The following KIF3B variants were observed in gnomAD, a reference collection of about 807,000 sequenced individuals.
KIF3B encodes kinesin-like protein KIF3B.
A neutral mutation model predicts 74.3 loss-of-function variants in KIF3B; 38 were observed. The observed-to-expected ratio is 0.51, with a 90% CI of 0.39 to 0.67. The LOEUF (loss-of-function observed/expected upper bound fraction) is 0.67. Ranked by LOEUF, KIF3B falls within the 30% of genes least tolerant of loss-of-function variation. KIF3B has a pLI of 0.00. For missense variants in KIF3B, 649 were observed against 932.0 expected (o/e 0.70, Z 3.95); for synonymous variants, 326 against 342.5 (o/e 0.95, Z 0.53).
At chr20:32,297,598 T>A (rs2047722497) in intron 1 of KIF3B, among the ~76,000 whole-genome samples, 1 of 152,168 alleles carries the variant, frequency 6.6e-6, no homozygotes, top group Non-Finnish European at 1.5e-5. Context: ...GGCTAGTATG[T>A]CGGGCCTTTC....
chr20:32,281,730 A>C lies in KIF3B; in HGVS notation c.-66+3965A>C, dbSNP rs530183175. ...AGACTCCATCTCAAAAAGAAAAAAAACCCAACAAACAAAAAGAAAAAGAAA... is the reference window on the plus strand; with the variant it reads ...AGACTCCATCTCAAAAAGAAAAAAACCCCAACAAACAAAAAGAAAAAGAAA... On this transcript the variant is annotated intron_variant, in intron 1 of 8. Transcript: ENST00000375712. Among the ~76,000 whole-genome samples, 11 of 152,230 alleles carry C rather than the reference A, an allele frequency of 7.2e-5. No homozygotes were observed. The East Asian group carries it at 2.1e-3, about 29-fold the overall frequency.
At chr20:32,289,382 C>T (rs570362883) in intron 1 of KIF3B, among the ~76,000 whole-genome samples, 2 of 152,116 alleles carry the variant, frequency 1.3e-5, no homozygotes, top group South Asian at 2.1e-4. Context: ...TTAGTAAAGA[C>T]GGGGTTTCAC....
In KIF3B at chr20:32,330,126, G is replaced by C; in HGVS notation, c.1969-15G>C. 6.2e-7 allele frequency: 1 copy of C among 1,607,948 alleles called. No homozygotes were observed. Among genetic ancestry groups the C allele is most frequent in the Non-Finnish European group, 8.5e-7 (1 of 1,176,812 alleles). ...TTGGAGGCTAACCTAGCTGGTGATG[G>C]CTGTGCTTCTGCAGGCAGAAAACAT... On this transcript the variant is annotated splice_polypyrimidine_tract_variant and intron_variant, in intron 7 of 8. Coordinates refer to ENST00000375712, the MANE Select transcript of KIF3B (RefSeq NM_004798.4).
At chr20:32,323,557 C>G (rs1482592019) in intron 5 of KIF3B, among the ~76,000 whole-genome samples, 1 of 151,856 alleles carries the variant, frequency 6.6e-6, no homozygotes, top group African/African-American at 2.4e-5. Context: ...AGTGAGCCAC[C>G]ACGCCCAGCC....
intron 5 of KIF3B, among the ~76,000 whole-genome samples, chr20:32,321,537 C>T (rs758360643): frequency 6.6e-6 from 1 of 151,960 alleles, no homozygotes; most frequent in Non-Finnish European, 1.5e-5. Context: ...ATGCTAGTAC[C>T]ATTCTGTCTT....
At chr20:32,315,736 C>CAG (rs919889102) in intron 2 of KIF3B, among the ~76,000 whole-genome samples, 26 of 152,042 alleles carry the variant, frequency 1.7e-4, no homozygotes, top group African/African-American at 4.6e-4. Flanking sequence ...AAAATCCCCA[C>CAG]AGAGTCTGAA....
chr20:32,301,227 A>G (rs1322606192), intron 1 of KIF3B, among the ~76,000 whole-genome samples: 1 of 151,238 alleles, frequency 6.6e-6, no homozygotes. Context: ...ACCTGGGACT[A>G]CAGGCACATG....
At chr20:32,283,972 G>C (rs940407468) in intron 1 of KIF3B, among the ~76,000 whole-genome samples, 1 of 150,822 alleles carries the variant, frequency 6.6e-6, no homozygotes, top group African/African-American at 2.4e-5. Context: ...CTGGAGTGCA[G>C]TGGTGCAGTC....
chr20:32,320,753 T>C (rs1429681764), intron 5 of KIF3B, among the ~76,000 whole-genome samples: 1 of 152,182 alleles, frequency 6.6e-6, no homozygotes, highest in Non-Finnish European at 1.5e-5. Context: ...TTCAACAGTC[T>C]TCCATGTTGT....
chr20:32,325,527 G>T (rs908710746), intron 5 of KIF3B, among the ~76,000 whole-genome samples: 1 of 151,816 alleles, frequency 6.6e-6, no homozygotes, highest in African/African-American at 2.4e-5. Context: ...TAGAATCATT[G>T]TAACCAGAAG....
At chr20:32,327,518 A>G (rs2047909816) in intron 6 of KIF3B, 38 bp from the exon 7 acceptor site, 3 of 1,549,220 alleles carry the variant, frequency 1.9e-6, no homozygotes, top group African/African-American at 1.4e-5. Flanking sequence ...GTTCCACAGG[A>G]CTCCAGCCAG....
rs371976417 is a variant in KIF3B, at chr20:32,284,258, CTT to C, written c.-66+6495_-66+6496del. On this transcript the variant is annotated intron_variant, in intron 1 of 8. Coordinates refer to ENST00000375712, the MANE Select transcript of KIF3B (RefSeq NM_004798.4). ...CTGGCCACCACTGCTATTTGTATAA[CTT>C]TGCAGTTTAGAACGCTCTTTCCTGT... Among the ~76,000 whole-genome samples, 29 of 152,086 alleles carry C rather than the reference CTT, an allele frequency of 1.9e-4. 1 individual carries two copies. In the East Asian group the frequency reaches 4.1e-3, roughly 21 times the overall value.
At chr20:32,315,959 A>C (rs964295207) in intron 2 of KIF3B, among the ~76,000 whole-genome samples, 2 of 149,590 alleles carry the variant, frequency 1.3e-5, no homozygotes, top group African/African-American at 4.9e-5. Flanking sequence ...GAAACAAGCA[A>C]AAAAAAAAAA....
chr20:32,287,612 C>T (rs756453505), intron 1 of KIF3B, among the ~76,000 whole-genome samples: 8 of 152,144 alleles, frequency 5.3e-5, no homozygotes, highest in Non-Finnish European at 7.3e-5. Flanking sequence ...TGAGCCACTA[C>T]GCCTTGCTGT....
Position 32,310,067 on chromosome 20 carries a change from A to T in KIF3B, c.290A>T (p.Gln97Leu). ...GFNGTIFAYG[Q>L]TGTGKTYTME... is the part of the protein sequence containing the mutation. ...AATGGAACCATTTTTGCCTATGGAC[A>T]AACTGGGACAGGAAAAACCTACACC... Residue 97 changes from glutamine to leucine, a missense_variant, in exon 2 of 9, where the codon CAA (glutamine) becomes CTA (leucine). Gln to Leu is a moderately radical substitution (Grantham distance 113, BLOSUM62 -2). Around this residue, in one of 4 missense-constraint regions of KIF3B, gnomAD observed 96 missense variants for 119.0 expected, o/e 0.81. Transcript: ENST00000375712. This position sits in a 1 kb window ranked among gnomAD's most constrained non-coding sequence, Gnocchi z 6.5. 1.2e-6 allele frequency: 2 copies of T among 1,614,220 alleles called. No individual in the cohort carries two copies. Among genetic ancestry groups the T allele is most frequent in the Non-Finnish European group, 1.7e-6 (2 of 1,180,036 alleles).
intron 3 of KIF3B, 40 bp from the exon 4 acceptor site, chr20:32,316,487 G>A (rs779345465): frequency 6.2e-6 from 10 of 1,612,652 alleles, no homozygotes; most frequent in Non-Finnish European, 7.6e-6. Flanking sequence ...CATAGACACA[G>A]TCTCTAGGGC....
Position 32,310,147 on chromosome 20 carries a change from G to T in KIF3B, c.370G>T (p.Asp124Tyr). The stretch of plus-strand genomic sequence containing the variant: ...AAGAGGAGTCATTCCTAACTCATTT[G>T]ACCATATCTTCACCCACATCTCTCG... Reference protein sequence around the residue: ...EKRGVIPNSFDHIFTHISRSQ... With the variant: ...EKRGVIPNSFYHIFTHISRSQ... Residue 124 changes from aspartate (D) to tyrosine (Y), a missense_variant, in exon 2 of 9, where the codon GAC becomes TAC. Coordinates refer to ENST00000375712, the MANE Select transcript of KIF3B (RefSeq NM_004798.4). The surrounding 1 kb of genome is among the most constrained non-coding windows in gnomAD (Gnocchi z 6.5). 6.2e-7 allele frequency: 1 copy of T among 1,613,712 alleles called. No homozygotes were observed. Among genetic ancestry groups the T allele is most frequent in the South Asian group, 1.1e-5 (1 of 91,020 alleles).
intron 1 of KIF3B, among the ~76,000 whole-genome samples, chr20:32,294,302 G>T (rs997677164): frequency 6.6e-6 from 1 of 152,072 alleles, no homozygotes; most frequent in Admixed American, 6.6e-5. Context: ...TTTGAATTCA[G>T]GGCAGGCATT....
intron 1 of KIF3B, among the ~76,000 whole-genome samples, chr20:32,301,772 A>G (rs548149745): frequency 3.3e-5 from 5 of 152,314 alleles, no homozygotes; most frequent in East Asian, 1.9e-4. Flanking sequence ...TAGGAAGCCA[A>G]TAGTTACTGA....
Sources: allele counts gnomAD v4.1 joint callset (sites outside exome capture counted in the v4.1 genomes callset), GRCh38; gene constraint gnomAD v4.1.1; regional missense constraint gnomAD v4.1.1; non-coding constraint Gnocchi (gnomAD v3.1); transcripts MANE v1.5; gene names NCBI Gene and HGNC (gene_info 2026-07-23, HGNC 2026-07-21).